The following TNRC6C variants were observed in gnomAD, a reference collection of about 807,000 sequenced individuals.
TNRC6C encodes trinucleotide repeat-containing gene 6C protein.
Under a neutral mutation model 153.7 loss-of-function variants are expected in TNRC6C, and 20 were observed. That is an observed-to-expected ratio of 0.13 (90% CI 0.09 to 0.19). The LOEUF is 0.19. TNRC6C is among the 10% of genes least tolerant of loss of function. The pLI, the probability that TNRC6C is intolerant of heterozygous loss-of-function variation, is 1.00. For missense variants in TNRC6C, 1,987 were observed against 2,172.0 expected, an observed-to-expected ratio of 0.91 and a Z score of 1.69; for synonymous variants, 811 against 841.4, an observed-to-expected ratio of 0.96 and a Z score of 0.63.
chr17:78,094,262 A>G (rs180853406), intron 16 of TNRC6C, among the ~76,000 whole-genome samples: 34 of 152,102 alleles, frequency 2.2e-4, no homozygotes, highest in Admixed American at 1.6e-3. Flanking sequence ...ATGTCTTATC[A>G]TAGAAGTGCC....
At chr17:77,968,234 A>G (rs576611317) in intron 1 of TNRC6C, among the ~76,000 whole-genome samples, 2 of 151,892 alleles carry the variant, frequency 1.3e-5, no homozygotes, top group South Asian at 2.1e-4. Flanking sequence ...GGGTTTCACC[A>G]TGTTGGCCAG....
At chr17:78,044,126 A>T (rs563100238) in intron 2 of TNRC6C, among the ~76,000 whole-genome samples, 1 of 152,292 alleles carries the variant, frequency 6.6e-6, no homozygotes, top group Non-Finnish European at 1.5e-5. Flanking sequence ...TTCAACATAG[A>T]TTCATAGTCT....
chr17:78,081,824 G>A (rs2073185907), intron 10 of TNRC6C, among the ~76,000 whole-genome samples: 2 of 152,186 alleles, frequency 1.3e-5, no homozygotes, highest in South Asian at 4.1e-4. Context: ...CAAGGCATCT[G>A]TGTGCCGTCT....
intron 1 of TNRC6C, among the ~76,000 whole-genome samples, chr17:77,987,093 G>T (rs1481260002): frequency 6.6e-6 from 1 of 152,142 alleles, no homozygotes; most frequent in African/African-American, 2.4e-5. Context: ...TGGGGGAAGT[G>T]TTTACAGCAA....
chr17:77,959,375 C>T (rs2070841433), intron 1 of TNRC6C, 107 bp downstream of exon 1: 1 of 151,588 alleles, frequency 6.6e-6, no homozygotes, highest in South Asian at 2.0e-4. Context: ...TGGCCCCTAG[C>T]GACCCGCGTG....
At chr17:77,981,035 G>GTGCAC (rs1000617444) in intron 1 of TNRC6C, among the ~76,000 whole-genome samples, 4 of 152,090 alleles carry the variant, frequency 2.6e-5, no homozygotes, top group African/African-American at 9.7e-5. Flanking sequence ...GAGTGCAGTG[G>GTGCAC]TGCAGTTACG....
At chr17:78,087,182 TAGG>T in intron 13 of TNRC6C, 89 bp downstream of exon 15, 1 of 1,539,212 alleles carries the variant, frequency 6.5e-7, no homozygotes, top group Admixed American at 1.9e-5. Context: ...TTTCAGTGGT[TAGG>T]AGGACTGGCC....
At chr17:77,958,632 G>T (rs1422652499), upstream of TNRC6C, among the ~76,000 whole-genome samples, 1 of 152,086 alleles carries the variant, frequency 6.6e-6, no homozygotes, top group Non-Finnish European at 1.5e-5. Flanking sequence ...TCCTGTTGGA[G>T]GCCAACGCGG....
In TNRC6C at chr17:78,049,827, C is replaced by G; in HGVS notation, c.765C>G (p.Asn255Lys). Reference sequence around the variant, plus strand: ...CTGTGTGGGGACTGTCCCCAGGTAACCCTGCCACAGGAAATAGCAATTCTG... The same window carrying G: ...CTGTGTGGGGACTGTCCCCAGGTAAGCCTGCCACAGGAAATAGCAATTCTG... Residue 255 changes from asparagine (N) to lysine (K), a missense_variant, in exon 3 of 20, where the codon AAC becomes AAG. Physicochemically the swap from Asn to Lys is moderately conservative, Grantham distance 94. Around this residue, in one of 4 missense-constraint regions of TNRC6C, gnomAD observed 1,052 missense variants for 1,017.0 expected, o/e 1.03. Transcript: ENST00000301624. The surrounding 1 kb of genome is among the most constrained non-coding windows in gnomAD (Gnocchi z 4.1). The G allele has an allele frequency of 6.2e-7, 1 of 1,612,634 alleles. No individual in the cohort carries two copies. The highest frequency in any genetic ancestry group is 8.5e-7 in the Non-Finnish European group (1 of 1,179,052).
chr17:78,031,546 A>G, exon 2 of TNRC6C: 8 of 1,232,276 alleles, frequency 6.5e-6, no homozygotes, highest in Non-Finnish European at 8.1e-6. Context: ...TGTTCAAGCC[A>G]GCCCCAACCT....
exon 4 of TNRC6C, chr17:78,064,902 G>A (rs746953097): frequency 1.3e-5 from 21 of 1,611,882 alleles, no homozygotes. Flanking sequence ...GGAAGAGCTG[G>A]CGCACCTGTT....
upstream of TNRC6C, chr17:77,959,151 G>GCCCCCGCCGCCCGCGCACT (rs2070838732): frequency 6.9e-6 from 1 of 145,244 alleles, no homozygotes; most frequent in African/African-American, 2.5e-5. Context: ...CGCTGAGCGG[G>GCCCCCGCCGCCCGCGCACT]CCCCCGCCGC....
intron 13 of TNRC6C, among the ~76,000 whole-genome samples, chr17:78,089,916 C>T (rs369571127): frequency 6.6e-6 from 1 of 152,184 alleles, no homozygotes; most frequent in Non-Finnish European, 1.5e-5. Flanking sequence ...GTCTAGCTGA[C>T]TTTCCCAGAG....
chr17:78,079,320 T>A lies in TNRC6C; in HGVS notation c.3211-75T>A. 1 of 1,570,476 alleles carries A rather than the reference T, an allele frequency of 6.4e-7. No individual in the cohort carries two copies. The highest frequency in any genetic ancestry group is 8.7e-7 in the Non-Finnish European group (1 of 1,149,416). On this transcript the variant is annotated intron_variant, in intron 9 of 19. Coordinates refer to ENST00000301624, the Ensembl canonical transcript of TNRC6C. This position sits in a 1 kb window ranked among gnomAD's most constrained non-coding sequence, Gnocchi z 4.3. ...CAATTTTGCATTCACTTGAAATAGATCATTTCACCCTACCTCCAAACAATG... is the reference window on the plus strand; with the variant it reads ...CAATTTTGCATTCACTTGAAATAGAACATTTCACCCTACCTCCAAACAATG...
At chr17:78,086,330 A>T (rs1437294409) in intron 11 of TNRC6C, among the ~76,000 whole-genome samples, 173 bp from the exon 14 acceptor site, 3 of 24,348 alleles carry the variant, frequency 1.2e-4, no homozygotes, top group African/African-American at 4.6e-4. Flanking sequence ...ACTCCATCTA[A>T]AAAAAAAAAA....
chr17:78,082,079 G>T (rs190666077), intron 10 of TNRC6C, among the ~76,000 whole-genome samples: 1 of 150,244 alleles, frequency 6.7e-6, no homozygotes, highest in Non-Finnish European at 1.5e-5. Flanking sequence ...AATTATTATT[G>T]CAGGATCTGG....
At chr17:77,962,230 A>G (rs1463528547) in intron 1 of TNRC6C, among the ~76,000 whole-genome samples, 1 of 152,206 alleles carries the variant, frequency 6.6e-6, no homozygotes, top group African/African-American at 2.4e-5. Flanking sequence ...GAAGTTCACC[A>G]ACAACCTTTT....
chr17:77,970,472 A>G (rs1236139946), intron 1 of TNRC6C, among the ~76,000 whole-genome samples: 1 of 152,180 alleles, frequency 6.6e-6, no homozygotes, highest in Admixed American at 6.5e-5. Flanking sequence ...TGCAAGTGTG[A>G]GCAACCTCAC....
Position 78,051,396 on chromosome 17 carries a change from G to T in TNRC6C, c.2334G>T (p.Pro778=), listed in dbSNP as rs182215751. ...ACACCACACACAGGGTCGAGACGCC[G>T]CCCCCGCACCAGGCCGGTACTCAGC... Residue 778 remains proline (P), a synonymous_variant, in exon 3 of 20, where the codon CCG becomes CCT. Coordinates refer to ENST00000301624, the Ensembl canonical transcript of TNRC6C. 4.7e-5 allele frequency: 72 copies of T among 1,546,412 alleles called. No individual in the cohort carries two copies. The Admixed American group carries it at 1.1e-3, about 23-fold the overall frequency.
Sources: allele counts gnomAD v4.1 joint callset (sites outside exome capture counted in the v4.1 genomes callset), GRCh38; gene constraint gnomAD v4.1.1; regional missense constraint gnomAD v4.1.1; non-coding constraint Gnocchi (gnomAD v3.1); transcripts MANE v1.5; gene names NCBI Gene and HGNC (gene_info 2026-07-23, HGNC 2026-07-21).